RIT2: variants seen among roughly 807,000 people sequenced by gnomAD.
The protein encoded by RIT2 is GTP-binding protein Rit2.
Under a neutral mutation model 23.7 loss-of-function variants are expected in RIT2, and 24 were observed. That is an observed-to-expected ratio of 1.01 (90% CI 0.73 to 1.43). The LOEUF (loss-of-function observed/expected upper bound fraction) is 1.43, where lower values mean the gene tolerates loss of function less well. Ranked by LOEUF, RIT2 falls within the 40% of genes most tolerant of loss-of-function variation. The probability of loss-of-function intolerance (pLI) is 0.00; values close to 1 mark genes in which losing one functional copy is unlikely to be tolerated. For synonymous variants in RIT2, 107 were observed against 91.1 expected (o/e 1.17, Z -0.99); for missense variants, 236 against 266.9 (o/e 0.88, Z 0.81).
intron 4 of RIT2, among the ~76,000 whole-genome samples, chr18:42,764,365 A>T (rs1447303152): frequency 6.6e-6 from 1 of 152,068 alleles, no homozygotes; most frequent in Non-Finnish European, 1.5e-5. Flanking sequence ...CTCTTGAATC[A>T]ATCTTTTATG....
intron 4 of RIT2, among the ~76,000 whole-genome samples, chr18:42,900,995 G>A (rs908583972): frequency 1.3e-5 from 2 of 151,868 alleles, no homozygotes; most frequent in African/African-American, 4.8e-5. Context: ...TACTGTGCTG[G>A]CATTTTTACT....
At chr18:42,779,137 C>T (rs1311594262) in intron 4 of RIT2, among the ~76,000 whole-genome samples, 2 of 152,188 alleles carry the variant, frequency 1.3e-5, no homozygotes, top group Non-Finnish European at 2.9e-5. Context: ...CTCAGCTCAA[C>T]TGAACTTTAG....
intron 4 of RIT2, among the ~76,000 whole-genome samples, chr18:42,906,143 A>G (rs1188617355): frequency 6.6e-6 from 1 of 151,592 alleles, no homozygotes; most frequent in Non-Finnish European, 1.5e-5. Context: ...TACCAATTTT[A>G]AATAGGCAGG....
chr18:42,890,189 GC>G (rs1908132035), intron 4 of RIT2, among the ~76,000 whole-genome samples: 1 of 151,684 alleles, frequency 6.6e-6, no homozygotes, highest in African/African-American at 2.4e-5. Context: ...TAACTATATT[GC>G]CTTCCAATTC....
At chr18:42,959,757 C>T (rs935838941) in intron 3 of RIT2, among the ~76,000 whole-genome samples, 3 of 152,310 alleles carry the variant, frequency 2.0e-5, no homozygotes, top group African/African-American at 7.2e-5. Flanking sequence ...AGAGGCTTAT[C>T]TGTCCCATAG....
intron 4 of RIT2, among the ~76,000 whole-genome samples, chr18:42,868,428 G>A (rs552498033): frequency 9.9e-5 from 15 of 152,284 alleles, no homozygotes; most frequent in Admixed American, 2.0e-4. Flanking sequence ...AGCAAACTGA[G>A]GAAACCAAGC....
intron 4 of RIT2, among the ~76,000 whole-genome samples, chr18:42,796,526 CTCTT>C (rs1905367926): frequency 6.6e-6 from 1 of 152,304 alleles, no homozygotes; most frequent in Admixed American, 6.5e-5. Context: ...TGGGTCAACT[CTCTT>C]TAGGCATTCC....
intron 2 of RIT2, among the ~76,000 whole-genome samples, chr18:42,992,934 A>C (rs758708453): frequency 6.6e-6 from 1 of 152,206 alleles, no homozygotes; most frequent in Non-Finnish European, 1.5e-5. Flanking sequence ...CCGACATGAA[A>C]TAAAGCTCCA....
At chr18:43,029,241 G>A (rs890992276) in intron 2 of RIT2, among the ~76,000 whole-genome samples, 1 of 152,108 alleles carries the variant, frequency 6.6e-6, no homozygotes, top group Non-Finnish European at 1.5e-5. Context: ...GTTTGTAAGT[G>A]AAATTGGAAG....
intron 4 of RIT2, among the ~76,000 whole-genome samples, chr18:42,789,072 T>G (rs570932218): frequency 7.2e-5 from 11 of 152,194 alleles, no homozygotes; most frequent in Non-Finnish European, 1.3e-4. Flanking sequence ...CATTCTTAAG[T>G]GAAACTGGCA....
intron 4 of RIT2, among the ~76,000 whole-genome samples, chr18:42,755,602 T>C (rs992406165): frequency 1.3e-5 from 2 of 152,306 alleles, no homozygotes; most frequent in African/African-American, 4.8e-5. Context: ...GTATTTTTCA[T>C]CACCCATCAG....
At chr18:42,825,139 TTTGTAAGTA>T in intron 4 of RIT2, among the ~76,000 whole-genome samples, 1 of 151,820 alleles carries the variant, frequency 6.6e-6, no homozygotes, top group Non-Finnish European at 1.5e-5. Context: ...TCACCTCAGG[TTTGTAAGTA>T]ACTGATGAAA....
At chr18:42,776,787 T>A (rs1192243981) in intron 4 of RIT2, among the ~76,000 whole-genome samples, 1 of 151,996 alleles carries the variant, frequency 6.6e-6, no homozygotes, top group Non-Finnish European at 1.5e-5. Context: ...ATAATAATAA[T>A]AAAATAATTC....
chr18:42,919,988 T>G (rs1201164782), intron 4 of RIT2, among the ~76,000 whole-genome samples: 1 of 152,092 alleles, frequency 6.6e-6, no homozygotes, highest in Non-Finnish European at 1.5e-5. Flanking sequence ...TGGACAGAAT[T>G]TTTTGGCTGT....
At position 42,752,589 on chromosome 18, in the gene RIT2, C is replaced by A. The variant is rs569612522; in HGVS notation, c.427-8869G>T. Among the ~76,000 whole-genome samples the A allele has an allele frequency of 5.3e-5, 8 of 152,254 alleles. No individual in the cohort carries two copies. The South Asian group carries it at 6.2e-4, about 12-fold the overall frequency. On this transcript the variant is annotated intron_variant, in intron 4 of 4. Coordinates refer to ENST00000326695, the MANE Select transcript of RIT2 (RefSeq NM_002930.4). ...TTCTTGCTGTCTCTCATGGGGAAAC[C>A]TTTCCAGTCTCCTGTGCTAGGATTC...
intron 3 of RIT2, among the ~76,000 whole-genome samples, chr18:42,972,035 T>C (rs1183600970): frequency 6.6e-6 from 1 of 152,044 alleles, no homozygotes; most frequent in Non-Finnish European, 1.5e-5. Context: ...AGCATAATTC[T>C]AGTTGAGTGT....
chr18:42,792,348 G>A lies in RIT2; in HGVS notation c.427-48628C>T, dbSNP rs1914063005. Among the ~76,000 whole-genome samples, 5 of 152,208 alleles carry A rather than the reference G, an allele frequency of 3.3e-5. No homozygotes were observed. The South Asian group carries it at 6.2e-4, about 19-fold the overall frequency. ...TTAATGGCATCAGAGCTTAGTACAC[G>A]GGGGAAATAACTGAACTATAATTTA... On this transcript the variant is annotated intron_variant, in intron 4 of 4. Coordinates refer to ENST00000326695, the MANE Select transcript of RIT2 (RefSeq NM_002930.4).
intron 4 of RIT2, among the ~76,000 whole-genome samples, chr18:42,788,516 A>G (rs1342368289): frequency 2.0e-5 from 3 of 152,276 alleles, no homozygotes; most frequent in African/African-American, 7.2e-5. Flanking sequence ...AATATCCTGC[A>G]TTTGTCATTT....
intron 4 of RIT2, among the ~76,000 whole-genome samples, chr18:42,890,213 C>T (rs953391108): frequency 1.5e-4 from 23 of 151,962 alleles, no homozygotes; most frequent in Middle Eastern, 3.4e-3. Flanking sequence ...TTTCTATATT[C>T]TTTATGGAGG....
Sources: gnomAD v4.1 joint callset for allele counts (sites outside exome capture counted in the v4.1 genomes callset) on GRCh38, gnomAD v4.1.1 for gene constraint, MANE v1.5 for transcripts, NCBI Gene and HGNC (gene_info 2026-07-23, HGNC 2026-07-21) for gene names.